RBMS3: variants seen among roughly 807,000 people sequenced by gnomAD.
RBMS3 encodes RNA binding motif single stranded interacting protein 3.
Under a neutral mutation model 66.8 loss-of-function variants are expected in RBMS3, and 27 were observed. The ratio of observed to expected loss-of-function variants is 0.40; its 90% CI spans 0.30 to 0.56. The LOEUF is 0.56. RBMS3 is among the 20% of genes least tolerant of loss of function. RBMS3 has a pLI of 0.40. For synonymous variants in RBMS3, 188 were observed against 183.0 expected, an observed-to-expected ratio of 1.03 and a Z score of -0.22; for missense variants, 513 against 549.5, an observed-to-expected ratio of 0.93 and a Z score of 0.66.
intron 3 of RBMS3, among the ~76,000 whole-genome samples, chr3:29,583,457 A>G (rs1280803718): frequency 2.0e-5 from 3 of 152,184 alleles, no homozygotes; most frequent in East Asian, 3.8e-4. Context: ...AATTCCATGA[A>G]GTAAGTTAAC....
In RBMS3 at chr3:29,626,807, A is replaced by T. The variant is rs556166327; in HGVS notation, c.399+39602A>T. On this transcript the variant is annotated intron_variant, in intron 4 of 14. Transcript: ENST00000383767. Reference sequence around the variant, plus strand: ...GGGCCCTGAAACAAGAAGTCCTGATATCTCAGATTCATTACCAACTAAATC... The same window carrying T: ...GGGCCCTGAAACAAGAAGTCCTGATTTCTCAGATTCATTACCAACTAAATC... Among the ~76,000 whole-genome samples, 5 of 152,306 alleles carry T rather than the reference A, an allele frequency of 3.3e-5. No homozygotes were observed. In the East Asian group the frequency reaches 9.7e-4, roughly 29 times the overall value.
intron 6 of RBMS3, among the ~76,000 whole-genome samples, chr3:29,863,016 G>A (rs2059257677): frequency 6.6e-6 from 1 of 152,012 alleles, no homozygotes; most frequent in African/African-American, 2.4e-5. Context: ...AGAACAAGAC[G>A]ATTATGTGAA....
chr3:29,499,830 A>G (rs991129802), intron 3 of RBMS3, among the ~76,000 whole-genome samples: 3 of 152,204 alleles, frequency 2.0e-5, no homozygotes, highest in Non-Finnish European at 4.4e-5. Flanking sequence ...GATCTCGTCC[A>G]CAATTCAAAC....
In RBMS3 at chr3:29,434,829, C is replaced by T. The variant is rs1045932921; in HGVS notation, c.162C>T (p.Ser54=). ...SSSNNSSNNS[S]GEQLSKTNLY... ...GCAACAACAGCAGCAACAACAGCAGCGGGGAACAGTTGAGTAAAACCAACC... is the reference window on the plus strand; with the variant it reads ...GCAACAACAGCAGCAACAACAGCAGTGGGGAACAGTTGAGTAAAACCAACC... The change falls in exon 2 of 15, where the codon AGC becomes AGT. Residue 54 remains serine, a synonymous_variant. Transcript: ENST00000383767. 39 of 1,613,964 alleles carry T rather than the reference C, an allele frequency of 2.4e-5. No homozygotes were observed. The highest frequency in any genetic ancestry group is 1.6e-4 in the East Asian group (7 of 44,882).
intron 6 of RBMS3, among the ~76,000 whole-genome samples, chr3:29,816,853 A>G (rs2057919595): frequency 6.6e-6 from 1 of 152,108 alleles, no homozygotes; most frequent in African/African-American, 2.4e-5. Context: ...GCACTTTGGG[A>G]GACCCAGGAG....
chr3:29,653,698 TG>T (rs999565044), intron 4 of RBMS3, among the ~76,000 whole-genome samples: 5 of 152,160 alleles, frequency 3.3e-5, no homozygotes, highest in African/African-American at 1.2e-4. Context: ...TTTTTGTTTT[TG>T]TTTTTATTTT....
At chr3:29,827,874 G>T (rs888833903) in intron 6 of RBMS3, among the ~76,000 whole-genome samples, 6 of 152,160 alleles carry the variant, frequency 3.9e-5, no homozygotes, top group Non-Finnish European at 7.4e-5. Context: ...TAATAAGATT[G>T]TGTCTCTGTT....
At chr3:29,908,786 G>A (rs1340211106) in intron 10 of RBMS3, among the ~76,000 whole-genome samples, 2 of 152,052 alleles carry the variant, frequency 1.3e-5, no homozygotes, top group Non-Finnish European at 2.9e-5. Context: ...GATATTATTG[G>A]AAATGGAGGA....
intron 1 of RBMS3, among the ~76,000 whole-genome samples, chr3:29,386,258 C>T (rs781740424): frequency 9.9e-5 from 15 of 151,962 alleles, no homozygotes; most frequent in Admixed American, 1.3e-4. Flanking sequence ...GGTGCTGCCA[C>T]GCAACCTATT....
chr3:29,814,715 T>C (rs1054259076), intron 6 of RBMS3, among the ~76,000 whole-genome samples: 1 of 152,082 alleles, frequency 6.6e-6, no homozygotes, highest in East Asian at 1.9e-4. Flanking sequence ...CTTGGGAGAG[T>C]GTATGTGTTG....
intron 6 of RBMS3, among the ~76,000 whole-genome samples, chr3:29,851,345 T>C (rs2058930054): frequency 6.6e-6 from 1 of 152,164 alleles, no homozygotes; most frequent in African/African-American, 2.4e-5. Flanking sequence ...TTCTGGTAAA[T>C]AAGGAGGTGG....
At chr3:29,536,019 A>C (rs1474774911) in intron 3 of RBMS3, among the ~76,000 whole-genome samples, 5 of 152,146 alleles carry the variant, frequency 3.3e-5, no homozygotes, top group Non-Finnish European at 5.9e-5. Context: ...TCTTCACAGA[A>C]TTAGCTAGAC....
chr3:29,874,718 A>G (rs2059570799), intron 7 of RBMS3, among the ~76,000 whole-genome samples: 1 of 152,184 alleles, frequency 6.6e-6, no homozygotes, highest in African/African-American at 2.4e-5. Flanking sequence ...AGGTTAATGG[A>G]ACTTCTAGTC....
intron 4 of RBMS3, among the ~76,000 whole-genome samples, chr3:29,734,020 A>C (rs932496920): frequency 6.6e-6 from 1 of 152,086 alleles, no homozygotes; most frequent in Non-Finnish European, 1.5e-5. Context: ...ATGTGTACAC[A>C]CACACCCACA....
chr3:29,525,461 T>A (rs754867458), intron 3 of RBMS3, among the ~76,000 whole-genome samples: 1 of 152,168 alleles, frequency 6.6e-6, no homozygotes, highest in Non-Finnish European at 1.5e-5. Flanking sequence ...CAGCTGGCCC[T>A]CCATCAAGCT....
intron 10 of RBMS3, among the ~76,000 whole-genome samples, chr3:29,928,180 T>TTATGTATATATATATATA (rs59335121): frequency 2.9e-5 from 3 of 102,588 alleles, no homozygotes; most frequent in African/African-American, 1.2e-4. Context: ...TCTTCAAATT[T>TTATGTATATATATATATA]TATATATATA....
At chr3:29,334,891 T>G (rs1202975891) in intron 1 of RBMS3, among the ~76,000 whole-genome samples, 1 of 152,188 alleles carries the variant, frequency 6.6e-6, no homozygotes, top group African/African-American at 2.4e-5. Context: ...TGAAATAATA[T>G]GATAAAACTC....
At chr3:29,341,447 T>A (rs1209957563) in intron 1 of RBMS3, among the ~76,000 whole-genome samples, 1 of 152,142 alleles carries the variant, frequency 6.6e-6, no homozygotes, top group Non-Finnish European at 1.5e-5. Flanking sequence ...CACTCTGCCA[T>A]CTCAAGCATA....
chr3:29,613,181 A>T (rs2149136704), intron 4 of RBMS3, among the ~76,000 whole-genome samples: 1 of 152,252 alleles, frequency 6.6e-6, no homozygotes, highest in East Asian at 1.9e-4. Flanking sequence ...TACTGATTTC[A>T]TTTCCTTTGG....
Sources: gnomAD v4.1 joint callset for allele counts (sites outside exome capture counted in the v4.1 genomes callset) on GRCh38, gnomAD v4.1.1 for gene constraint, MANE v1.5 for transcripts, NCBI Gene and HGNC (gene_info 2026-07-23, HGNC 2026-07-21) for gene names.